Variants in TRPM8 observed in about 807,000 individuals in gnomAD.
The protein encoded by TRPM8 is TRPM8 cationic channel.
A neutral mutation model predicts 133.7 loss-of-function variants in TRPM8; 110 were observed. The observed-to-expected ratio is 0.82, with a 90% CI of 0.70 to 0.96. TRPM8 has a LOEUF of 0.96. Ranked by LOEUF, TRPM8 falls within the 40% of genes least tolerant of loss-of-function variation. TRPM8 has a pLI of 0.00. For missense variants in TRPM8, 1,291 were observed against 1,379.5 expected, an observed-to-expected ratio of 0.94 and a Z score of 1.02; for synonymous variants, 535 against 532.3, an observed-to-expected ratio of 1.01 and a Z score of -0.07.
At chr2:233,934,249 C>T (rs1000675363) in intron 3 of TRPM8, among the ~76,000 whole-genome samples, 3 of 152,186 alleles carry the variant, frequency 2.0e-5, no homozygotes, top group Admixed American at 2.0e-4. Context: ...TTCCTGCCTC[C>T]ACCTCTCCCT....
At chr2:233,948,849 A>G (rs1405497309) in intron 8 of TRPM8, among the ~76,000 whole-genome samples, 1 of 152,198 alleles carries the variant, frequency 6.6e-6, no homozygotes, top group Non-Finnish European at 1.5e-5. Flanking sequence ...CCTGGCCAAC[A>G]TGGCAAAACC....
At chr2:233,935,036 T>C (rs1691761667) in intron 3 of TRPM8, among the ~76,000 whole-genome samples, 1 of 152,248 alleles carries the variant, frequency 6.6e-6, no homozygotes, top group South Asian at 2.1e-4. Context: ...CTATGTATAC[T>C]TAAGCTTGTA....
chr2:233,980,200 G>T lies in TRPM8; in HGVS notation c.2368G>T (p.Gly790Trp), dbSNP rs1166064650. 3 of 1,602,364 alleles carry T rather than the reference G, an allele frequency of 1.9e-6. No individual in the cohort carries two copies. Among genetic ancestry groups the T allele is most frequent in the Admixed American group, 1.7e-5 (1 of 57,774 alleles). ...TTTCTGTACGCAGTGGTACGTAAAT[G>T]GGGTGAATTATTTTACTGACCTGTG... ...CDEVRQWYVNGVNYFTDLWNV... is the reference protein window; with the variant it reads ...CDEVRQWYVNWVNYFTDLWNV... The change falls in exon 18 of 26, where the codon GGG becomes TGG. Residue 790 changes from glycine (G) to tryptophan (W), a missense_variant. This residue lies in a region of TRPM8 where 328 missense variants were observed against 410.6 expected (regional missense o/e 0.80). Transcript: ENST00000324695.
intron 21 of TRPM8, 64 bp downstream of exon 21, chr2:233,985,929 G>T (rs1331184680): frequency 6.7e-7 from 1 of 1,491,978 alleles, no homozygotes. Flanking sequence ...CAGGCTGGAG[G>T]TGCTGGGAGC....
rs1559516193 is a variant in TRPM8, at chr2:233,927,787, TTTCTTTTCTTTCCTTCCTTCC to T, written c.117+1137_117+1157del. 2.9e-3 allele frequency among the ~76,000 whole-genome samples: 96 copies of T among 33,640 alleles called. 6 individuals carry two copies. Among genetic ancestry groups the T allele is most frequent in the East Asian group, 0.017 (9 of 536 alleles). 22.1% of individuals were successfully genotyped at this position (33,640 alleles called of 152,430 possible). On this transcript the variant is annotated intron_variant, in intron 2 of 25. Coordinates refer to ENST00000324695, the MANE Select transcript of TRPM8 (RefSeq NM_024080.5). ...CTTTCTTTCTTTCTTTCTTTCTTTC[TTTCTTTTCTTTCCTTCCTTCC>T]TTCCTTCCTTCCTTCCTTCCTTCCT...
rs770616315 is a variant in TRPM8, at chr2:233,983,083, T to C, written c.2620T>C (p.Phe874Leu). The C allele has an allele frequency of 6.2e-7, 1 of 1,614,122 alleles. No individual in the cohort carries two copies. Among genetic ancestry groups the C allele is most frequent in the Non-Finnish European group, 8.5e-7 (1 of 1,179,968 alleles). Reference protein sequence around the residue: ...LIDVFFFLFLFAVWMVAFGVA... With the variant: ...LIDVFFFLFLLAVWMVAFGVA... ...CGATGTGTTCTTCTTCCTGTTCCTC[T>C]TTGCGGTGTGGATGGTGGCCTTTGG... Residue 874 changes from phenylalanine (F) to leucine (L), a missense_variant, in exon 20 of 26, where the codon TTT becomes CTT. Phe to Leu is a conservative substitution (Grantham distance 22). Coordinates refer to ENST00000324695, the MANE Select transcript of TRPM8 (RefSeq NM_024080.5).
chr2:233,922,105 C>T (rs1353280583), intron 1 of TRPM8, among the ~76,000 whole-genome samples: 1 of 114,576 alleles, frequency 8.7e-6, no homozygotes, highest in Non-Finnish European at 1.5e-5. Flanking sequence ...CTGTCTCCAA[C>T]ATCAATTAAG....
Position 233,939,113 on chromosome 2 carries a change from T to G in TRPM8, c.464T>G (p.Phe155Cys), listed in dbSNP as rs1447292152. Residue 155 changes from phenylalanine to cysteine, a missense_variant, in exon 5 of 26, where the codon TTC becomes TGC. Physicochemically the swap from Phe to Cys is radical, Grantham distance 205 (BLOSUM62 -2). Around this residue, in one of 2 missense-constraint regions of TRPM8, gnomAD observed 963 missense variants for 968.9 expected, o/e 0.99. Transcript: ENST00000324695. ...TCTGTGACCGGGGGCGCCAAGAACT[T>G]CGCCCTGAAGCCGCGCATGCGCAAG... ...VISVTGGAKN[F>C]ALKPRMRKIF... 2.6e-5 allele frequency: 42 copies of G among 1,614,186 alleles called. No homozygotes were observed. The highest frequency in any genetic ancestry group is 3.6e-5 in the Non-Finnish European group (42 of 1,180,046).
At chr2:234,007,795 G>A (rs953619900) in intron 23 of TRPM8, among the ~76,000 whole-genome samples, 1 of 152,156 alleles carries the variant, frequency 6.6e-6, no homozygotes, top group Non-Finnish European at 1.5e-5. Context: ...GGTTTTGCAA[G>A]GGACACACAG....
At chr2:234,007,890 T>C (rs2125398221) in intron 23 of TRPM8, among the ~76,000 whole-genome samples, 180 bp from the exon 24 acceptor site, 1 of 152,216 alleles carries the variant, frequency 6.6e-6, no homozygotes, top group East Asian at 1.9e-4. Context: ...AAAATTCTGC[T>C]TTGTTAGGGT....
rs1691677589 is a variant in TRPM8, at chr2:233,970,224, A to ACAAG, written c.2156_2159dup (p.His720GlnfsTer63). 1.9e-6 allele frequency: 3 copies of ACAAG among 1,614,138 alleles called. No homozygotes were observed. In the East Asian group the frequency reaches 6.7e-5, roughly 36 times the overall value. Reference sequence around the variant, plus strand: ...TCTGGGTCCAGGAAGAAACCTGTCGACAAGCACAAGAAGCTGCTTTGGTAC... The same window carrying ACAAG: ...TCTGGGTCCAGGAAGAAACCTGTCGACAAGCAAGCACAAGAAGCTGCTTTGGTAC... On this transcript the variant is annotated frameshift_variant, in exon 17 of 26. Transcript: ENST00000324695. LOFTEE classifies it high-confidence loss of function.
chr2:233,994,686 C>T (rs571301955), intron 21 of TRPM8, among the ~76,000 whole-genome samples: 18 of 152,132 alleles, frequency 1.2e-4, no homozygotes, highest in Middle Eastern at 3.4e-3. Context: ...CGTAGGTATC[C>T]GACATTTTTT....
At chr2:233,998,718 A>G (rs1218445407) in intron 22 of TRPM8, among the ~76,000 whole-genome samples, 1 of 149,924 alleles carries the variant, frequency 6.7e-6, no homozygotes, top group East Asian at 2.0e-4. Context: ...GCCTGTGCCC[A>G]TCCAGTTAGA....
At chr2:233,981,641 T>C in intron 18 of TRPM8, 133 bp from the exon 19 acceptor site, 2 of 776,562 alleles carry the variant, frequency 2.6e-6, no homozygotes, top group Non-Finnish European at 4.0e-6. Context: ...TGCTGGGTGG[T>C]GTTTCTGGCC....
chr2:233,978,522 T>C (rs1691926940), intron 17 of TRPM8, among the ~76,000 whole-genome samples: 1 of 152,216 alleles, frequency 6.6e-6, no homozygotes, highest in African/African-American at 2.4e-5. Flanking sequence ...TTCCTGGTTT[T>C]ACAAAAACAA....
chr2:234,010,006 T>A (rs1692797127), intron 24 of TRPM8, among the ~76,000 whole-genome samples: 1 of 152,158 alleles, frequency 6.6e-6, no homozygotes. Context: ...TAATTTAAAA[T>A]CTCTCCTCCT....
intron 3 of TRPM8, among the ~76,000 whole-genome samples, chr2:233,932,498 G>C (rs1450557765): frequency 6.6e-6 from 1 of 152,180 alleles, no homozygotes; most frequent in Non-Finnish European, 1.5e-5. Context: ...AGGCTTGGGA[G>C]ATGTGTCCAG....
chr2:233,927,858 T>C (rs182476137), intron 2 of TRPM8, among the ~76,000 whole-genome samples: 542 of 43,920 alleles, frequency 0.012, 39 homozygotes, highest in East Asian at 0.019. Context: ...CTTCCTTTCT[T>C]TCTCTTTCTT....
At chr2:233,992,960 G>A (rs1014307783) in intron 21 of TRPM8, among the ~76,000 whole-genome samples, 1 of 152,194 alleles carries the variant, frequency 6.6e-6, no homozygotes, top group Admixed American at 6.5e-5. Flanking sequence ...AGGAAAGCAG[G>A]TGGAAGCATC....
Sources: gnomAD v4.1 joint callset for allele counts (sites outside exome capture counted in the v4.1 genomes callset) on GRCh38, gnomAD v4.1.1 for gene constraint, gnomAD v4.1.1 regional missense constraint, MANE v1.5 for transcripts, NCBI Gene and HGNC (gene_info 2026-07-23, HGNC 2026-07-21) for gene names.